The following NF2 variants were observed in gnomAD, a reference collection of about 807,000 sequenced individuals.
The protein encoded by NF2 is NF2, moesin-ezrin-radixin like (MERLIN) tumor suppressor.
Under a neutral mutation model 83.7 loss-of-function variants are expected in NF2, and 8 were observed. The observed-to-expected ratio is 0.10, with a 90% CI of 0.06 to 0.17. The LOEUF (loss-of-function observed/expected upper bound fraction) is 0.17, where lower values mean the gene tolerates loss of function less well. Ranked by LOEUF, NF2 falls within the 10% of genes least tolerant of loss-of-function variation. NF2 has a pLI of 1.00. For missense variants in NF2, 533 were observed against 744.4 expected (o/e 0.72, Z 3.31); for synonymous variants, 266 against 269.6 (o/e 0.99, Z 0.13).
At chr22:29,637,040 G>GT in intron 2 of NF2, 164 bp downstream of exon 2, 2 of 1,022,076 alleles carry the variant, frequency 2.0e-6, no homozygotes, top group South Asian at 2.7e-5. Context: ...GATGCTACCA[G>GT]TTTCCTTCTC....
intron 13 of NF2, among the ~76,000 whole-genome samples, chr22:29,677,274 G>T (rs1206852918): frequency 6.6e-6 from 1 of 152,186 alleles, no homozygotes; most frequent in African/African-American, 2.4e-5. Context: ...GCTGGGAGGG[G>T]CTAGAAAGGC....
At chr22:29,639,584 C>G (rs2065745247) in intron 3 of NF2, among the ~76,000 whole-genome samples, 1 of 152,136 alleles carries the variant, frequency 6.6e-6, no homozygotes, top group Admixed American at 6.5e-5. Context: ...TTAAAATCTG[C>G]TCTCATTAAG....
In NF2 at chr22:29,671,892, T is replaced by A. The variant is rs1178334764; in HGVS notation, c.1066T>A (p.Leu356Met). 1 of 1,613,824 alleles carries A rather than the reference T, an allele frequency of 6.2e-7. No individual in the cohort carries two copies. The highest frequency in any genetic ancestry group is 1.6e-4 in the Middle Eastern group (1 of 6,062). ...GGAGGCTGAACGCACGAGGGATGAG[T>A]TGGAGAGGAGGCTGCTGCAGATGAA... ...REEAERTRDE[L>M]ERRLLQMKEE... The change falls in exon 11 of 16, where the codon TTG becomes ATG. Residue 356 changes from leucine (L) to methionine (M), a missense_variant. By Grantham distance (15) the Leu-to-Met change is conservative. Coordinates refer to ENST00000338641, the MANE Select transcript of NF2 (RefSeq NM_000268.4).
chr22:29,623,662 G>A (rs112418239), intron 1 of NF2, among the ~76,000 whole-genome samples: 3 of 152,208 alleles, frequency 2.0e-5, no homozygotes, highest in African/African-American at 4.8e-5. Context: ...CAGTCAGGCA[G>A]AAGGGAAGTT....
chr22:29,640,761 T>TG (rs1160640728), intron 3 of NF2, among the ~76,000 whole-genome samples: 5 of 61,818 alleles, frequency 8.1e-5, no homozygotes, highest in African/African-American at 2.7e-4. Context: ...AAAAAAGGTC[T>TG]GGGGGGCGTG....
chr22:29,685,109 G>A (rs1192000021), intron 15 of NF2, among the ~76,000 whole-genome samples: 1 of 151,668 alleles, frequency 6.6e-6, no homozygotes, highest in African/African-American at 2.4e-5. Flanking sequence ...AAACCAGCCT[G>A]TGTTGATGTT....
At chr22:29,688,828 C>A (rs548426772) in intron 15 of NF2, among the ~76,000 whole-genome samples, 1 of 152,290 alleles carries the variant, frequency 6.6e-6, no homozygotes, top group Admixed American at 6.5e-5. Flanking sequence ...GATAGTGCTC[C>A]CACTGTGCAC....
At chr22:29,634,259 T>G (rs984769457) in intron 1 of NF2, among the ~76,000 whole-genome samples, 1 of 152,208 alleles carries the variant, frequency 6.6e-6, no homozygotes, top group African/African-American at 2.4e-5. Context: ...TACGATCCTT[T>G]GTGTCAAAGT....
intron 4 of NF2, among the ~76,000 whole-genome samples, chr22:29,653,396 A>G (rs1191939247): frequency 6.7e-6 from 1 of 149,916 alleles, no homozygotes; most frequent in Non-Finnish European, 1.5e-5. Context: ...GTGAGCTGAG[A>G]TCACGCCATT....
At chr22:29,608,627 C>T (rs903160309) in intron 1 of NF2, among the ~76,000 whole-genome samples, 2 of 150,936 alleles carry the variant, frequency 1.3e-5, no homozygotes, top group Non-Finnish European at 3.0e-5. Flanking sequence ...AGAGATCGTG[C>T]CACTGCCCTC....
rs1380269785 is a variant in NF2, at chr22:29,643,941, C to T, written c.447+1656C>T. ...GGGGCTGACCCCCCAACCTCCCTCCCGGACGGGGCGGCTGGCCTGGCGGGG... is the reference window on the plus strand; with the variant it reads ...GGGGCTGACCCCCCAACCTCCCTCCTGGACGGGGCGGCTGGCCTGGCGGGG... On this transcript the variant is annotated intron_variant, in intron 4 of 15. Coordinates refer to ENST00000338641, the MANE Select transcript of NF2 (RefSeq NM_000268.4). Among the ~76,000 whole-genome samples the T allele has an allele frequency of 8.3e-5, 11 of 132,342 alleles. No individual in the cohort carries two copies. In the East Asian group the frequency reaches 1.0e-3, roughly 12 times the overall value. 86.8% of individuals were successfully genotyped at this position (132,342 alleles called of 152,430 possible).
At chr22:29,611,380 A>G (rs1435822701) in intron 1 of NF2, among the ~76,000 whole-genome samples, 1 of 151,768 alleles carries the variant, frequency 6.6e-6, no homozygotes, top group Non-Finnish European at 1.5e-5. Context: ...AAAAAAAATT[A>G]GCCAGGTGTG....
chr22:29,652,842 A>G (rs1297900316), intron 4 of NF2, among the ~76,000 whole-genome samples: 1 of 152,222 alleles, frequency 6.6e-6, no homozygotes, highest in Admixed American at 6.5e-5. Context: ...AAAGCTTAGT[A>G]CAGTTACGAC....
At chr22:29,609,419 T>C (rs1169035457) in intron 1 of NF2, 3 of 503,420 alleles carry the variant, frequency 6.0e-6, no homozygotes, top group Non-Finnish European at 1.2e-5. Flanking sequence ...AGTGCTATGG[T>C]GAGGAGTGAA....
At position 29,695,097 on chromosome 22, in the gene NF2, C is replaced by T. The variant is rs2067511873; in HGVS notation, c.*295C>T. 1.9e-6 allele frequency: 1 copy of T among 531,008 alleles called. No homozygotes were observed. The highest frequency in any genetic ancestry group is 3.2e-5 in the East Asian group (1 of 31,004). The allele number at this position is 531,008 out of a possible 1,614,324, so 32.9% of individuals were successfully genotyped here. On this transcript the variant is annotated 3_prime_UTR_variant, in exon 16 of 16. Coordinates refer to ENST00000338641, the MANE Select transcript of NF2 (RefSeq NM_000268.4). The surrounding 1 kb of genome is among the most constrained non-coding windows in gnomAD (Gnocchi z 5.4). ...TTCCTGACTCCCTTCGTCCAAGGCA[C>T]CGGTGTGTGTGTGTCTTGCACTCCA...
Position 29,671,881 on chromosome 22 carries a change from C to T in NF2, c.1055C>T (p.Thr352Met), listed in dbSNP as rs764441073. The change falls in exon 11 of 16, where the codon ACG (threonine) becomes ATG (methionine). Residue 352 changes from threonine (T) to methionine (M), a missense_variant. By Grantham distance (81) the Thr-to-Met change is moderately conservative. This residue lies in a region of NF2 where 326 missense variants were observed against 475.1 expected (regional missense o/e 0.69). Coordinates refer to ENST00000338641, the MANE Select transcript of NF2 (RefSeq NM_000268.4). ...EKQMREEAER[T>M]RDELERRLLQ... is the part of the protein sequence containing the mutation. ...CAGATGAGGGAGGAGGCTGAACGCA[C>T]GAGGGATGAGTTGGAGAGGAGGCTG... The T allele has an allele frequency of 1.8e-5, 29 of 1,613,914 alleles. No homozygotes were observed. The highest frequency in any genetic ancestry group is 8.0e-5 in the African/African-American group (6 of 74,868).
At chr22:29,683,244 C>G (rs1233986477) in intron 15 of NF2, 1 of 1,532,242 alleles carries the variant, frequency 6.5e-7, no homozygotes, top group Non-Finnish European at 8.8e-7. Context: ...CCCTGTGAAG[C>G]CAGACCAGCC....
intron 1 of NF2, among the ~76,000 whole-genome samples, chr22:29,635,414 C>T (rs925512212): frequency 2.0e-5 from 3 of 152,066 alleles, no homozygotes; most frequent in Admixed American, 6.6e-5. Flanking sequence ...CTGCAACCTC[C>T]GCCTCCCGGT....
At chr22:29,689,922 C>A (rs892903417) in intron 15 of NF2, among the ~76,000 whole-genome samples, 1 of 152,234 alleles carries the variant, frequency 6.6e-6, no homozygotes, top group African/African-American at 2.4e-5. Flanking sequence ...TAGTTACCCT[C>A]CCATCACTTT....
Sources: gnomAD v4.1 joint callset for allele counts (sites outside exome capture counted in the v4.1 genomes callset) on GRCh38, gnomAD v4.1.1 for gene constraint, gnomAD v4.1.1 regional missense constraint, Gnocchi (gnomAD v3.1) non-coding constraint, MANE v1.5 for transcripts, NCBI Gene and HGNC (gene_info 2026-07-23, HGNC 2026-07-21) for gene names.